LRRTM4: variants seen among roughly 807,000 people sequenced by gnomAD.
LRRTM4 encodes the protein leucine-rich repeat transmembrane neuronal protein 4.
A neutral mutation model predicts 47.6 loss-of-function variants in LRRTM4; 25 were observed. The observed-to-expected ratio is 0.53, with a 90% confidence interval of 0.38 to 0.73. The LOEUF (loss-of-function observed/expected upper bound fraction) is 0.73. Among genes scored for constraint, LRRTM4 ranks in the 30% least tolerant of loss-of-function variants. The pLI, the probability that LRRTM4 is intolerant of heterozygous loss-of-function variation, is 0.00. For synonymous variants in LRRTM4, 311 were observed against 269.5 expected, an observed-to-expected ratio of 1.15 and a Z score of -1.51; for missense variants, 638 against 713.4, an observed-to-expected ratio of 0.89 and a Z score of 1.20.
chr2:76,979,541 G>GTATATATATACATATATATATATA (rs71245361), intron 3 of LRRTM4, among the ~76,000 whole-genome samples: 1 of 126,904 alleles, frequency 7.9e-6, no homozygotes, highest in African/African-American at 3.4e-5. Context: ...CTGAATTTCT[G>GTATATATATACATATATATATATA]TATATATATA....
Position 76,748,447 on chromosome 2 carries a change from G to A in LRRTM4, c.*248C>T, listed in dbSNP as rs1672720514. Reference sequence around the variant, plus strand: ...TTGACACTCTTACTATTTACATCCGGGAGCATTTTTGTTTGTTTTATGTTT... The same window carrying A: ...TTGACACTCTTACTATTTACATCCGAGAGCATTTTTGTTTGTTTTATGTTT... On this transcript the variant is annotated 3_prime_UTR_variant, in exon 4 of 4. Transcript: ENST00000409884. The A allele has an allele frequency of 1.9e-6, 1 of 521,766 alleles. No individual in the cohort carries two copies. Among genetic ancestry groups the A allele is most frequent in the Non-Finnish European group, 3.4e-6 (1 of 292,730 alleles). The allele number at this position is 521,766 out of a possible 1,614,324, so 32.3% of individuals were successfully genotyped here.
At chr2:76,752,109 G>A (rs1267579585) in intron 3 of LRRTM4, among the ~76,000 whole-genome samples, 1 of 152,146 alleles carries the variant, frequency 6.6e-6, no homozygotes, top group Admixed American at 6.6e-5. Context: ...TCTTCACAAA[G>A]AAGAGATACT....
chr2:76,834,102 ACCAT>A, intron 3 of LRRTM4, among the ~76,000 whole-genome samples: 1 of 151,284 alleles, frequency 6.6e-6, no homozygotes, highest in East Asian at 2.0e-4. Flanking sequence ...GTGCAGTGGC[ACCAT>A]CTTGGCTCAC....
chr2:76,955,365 T>C (rs1050512920), intron 3 of LRRTM4, among the ~76,000 whole-genome samples: 2 of 151,850 alleles, frequency 1.3e-5, no homozygotes, highest in East Asian at 3.9e-4. Flanking sequence ...TGTTTTTGTA[T>C]GTGATTCAAG....
intron 3 of LRRTM4, among the ~76,000 whole-genome samples, chr2:77,375,051 C>T (rs1208651266): frequency 1.3e-5 from 2 of 151,740 alleles, no homozygotes; most frequent in Non-Finnish European, 3.0e-5. Flanking sequence ...TTTTGTAATA[C>T]ATTTTAAAAG....
At chr2:77,161,634 T>C (rs1405693962) in intron 3 of LRRTM4, among the ~76,000 whole-genome samples, 1 of 152,110 alleles carries the variant, frequency 6.6e-6, no homozygotes, top group African/African-American at 2.4e-5. Context: ...AAAAAAAATT[T>C]CCAATATATT....
intron 3 of LRRTM4, among the ~76,000 whole-genome samples, chr2:77,142,099 A>C (rs1672139633): frequency 6.6e-6 from 1 of 152,190 alleles, no homozygotes; most frequent in African/African-American, 2.4e-5. Flanking sequence ...TCTCTTCACT[A>C]ACAGCTGTAG....
At chr2:77,409,217 C>CT (rs199999252) in intron 3 of LRRTM4, among the ~76,000 whole-genome samples, 32 of 120,216 alleles carry the variant, frequency 2.7e-4, no homozygotes, top group Non-Finnish European at 4.0e-4. Flanking sequence ...AGTTGGAAGT[C>CT]TTTTTTTTTG....
At position 76,964,546 on chromosome 2, in the gene LRRTM4, C is replaced by G. The variant is rs150123261; in HGVS notation, c.1552-215630G>C. ...CAATAATTCTACAGGGGTCTGTACT[C>G]CCTGTCATATATTCAAATTGTTTGA... On this transcript the variant is annotated intron_variant, in intron 3 of 3. Transcript: ENST00000409884. Among the ~76,000 whole-genome samples, 346 of 150,692 alleles carry G rather than the reference C, an allele frequency of 2.3e-3. 1 individual carries two copies. The highest frequency in any genetic ancestry group is 7.5e-3 in the African/African-American group (311 of 41,320).
intron 3 of LRRTM4, among the ~76,000 whole-genome samples, chr2:77,044,420 T>C (rs892397875): frequency 2.0e-5 from 3 of 151,772 alleles, no homozygotes; most frequent in Non-Finnish European, 4.4e-5. Context: ...CTAACTTCTA[T>C]CCTATTCTCT....
At chr2:77,419,747 A>G (rs1166082703) in intron 3 of LRRTM4, among the ~76,000 whole-genome samples, 2 of 152,306 alleles carry the variant, frequency 1.3e-5, no homozygotes, top group Admixed American at 6.5e-5. Context: ...ATTTCATAAT[A>G]AACTTGGGTG....
At chr2:77,315,258 T>C (rs1179713019) in intron 3 of LRRTM4, among the ~76,000 whole-genome samples, 1 of 152,180 alleles carries the variant, frequency 6.6e-6, no homozygotes, top group African/African-American at 2.4e-5. Flanking sequence ...TAGTAAAGCT[T>C]GCTTAAAAAT....
At chr2:77,026,761 G>T (rs889973355) in intron 3 of LRRTM4, among the ~76,000 whole-genome samples, 20 of 151,938 alleles carry the variant, frequency 1.3e-4, no homozygotes, top group Admixed American at 3.3e-4. Context: ...TTTAAAAATT[G>T]TCTAAAATAA....
intron 3 of LRRTM4, among the ~76,000 whole-genome samples, chr2:76,830,916 A>G (rs1671332419): frequency 6.6e-6 from 1 of 152,180 alleles, no homozygotes; most frequent in Non-Finnish European, 1.5e-5. Flanking sequence ...ATGAAAATAT[A>G]AACAATGCCA....
intron 3 of LRRTM4, among the ~76,000 whole-genome samples, chr2:77,057,699 C>T (rs180982362): frequency 3.3e-5 from 5 of 152,088 alleles, no homozygotes; most frequent in African/African-American, 9.7e-5. Flanking sequence ...TAAATCAGGA[C>T]CTCTTAAGTA....
chr2:76,885,532 G>C (rs1673047466), intron 3 of LRRTM4, among the ~76,000 whole-genome samples: 1 of 145,832 alleles, frequency 6.9e-6, no homozygotes, highest in Non-Finnish European at 1.5e-5. Flanking sequence ...GCGCGATCTC[G>C]GCTCACTGCA....
intron 3 of LRRTM4, among the ~76,000 whole-genome samples, chr2:77,503,421 C>T (rs370551881): frequency 1.3e-5 from 2 of 151,594 alleles, no homozygotes; most frequent in African/African-American, 2.4e-5. Flanking sequence ...GGAATAAAAA[C>T]GTGGAGAAAA....
intron 3 of LRRTM4, among the ~76,000 whole-genome samples, chr2:77,083,713 G>T (rs981401951): frequency 7.3e-6 from 1 of 137,882 alleles, no homozygotes; most frequent in Admixed American, 7.6e-5. Flanking sequence ...GTAGAGTGTT[G>T]ATTGTTCTTC....
chr2:77,133,561 T>C (rs1379423249), intron 3 of LRRTM4, among the ~76,000 whole-genome samples: 1 of 152,114 alleles, frequency 6.6e-6, no homozygotes, highest in Admixed American at 6.6e-5. Flanking sequence ...TTGGACTTCA[T>C]CCACTACTAG....
Sources: allele counts gnomAD v4.1 joint callset (sites outside exome capture counted in the v4.1 genomes callset), GRCh38; gene constraint gnomAD v4.1.1; transcripts MANE v1.5; gene names NCBI Gene and HGNC (gene_info 2026-07-23, HGNC 2026-07-21).